The following FSTL5 variants were observed in gnomAD, a reference collection of about 807,000 sequenced individuals.
The protein encoded by FSTL5 is follistatin-related protein 5.
In FSTL5, 62 loss-of-function variants were observed where a neutral mutation model predicts 89.1. That is an observed-to-expected ratio of 0.70 (90% CI 0.57 to 0.86). The LOEUF (loss-of-function observed/expected upper bound fraction) is 0.86. Ranked by LOEUF, FSTL5 falls within the 40% of genes least tolerant of loss-of-function variation. The pLI, the probability that FSTL5 is intolerant of heterozygous loss-of-function variation, is 0.00. For synonymous variants in FSTL5, 383 were observed against 346.2 expected (o/e 1.11, Z -1.18); for missense variants, 1,057 against 1,001.6 (o/e 1.06, Z -0.75).
chr4:161,954,311 A>C (rs1734972675), intron 3 of FSTL5, among the ~76,000 whole-genome samples: 1 of 151,652 alleles, frequency 6.6e-6, no homozygotes, highest in South Asian at 2.1e-4. Flanking sequence ...ACACCCTATG[A>C]ATCAAAATAC....
intron 2 of FSTL5, among the ~76,000 whole-genome samples, chr4:162,100,954 G>C (rs1338833969): frequency 2.6e-5 from 4 of 152,204 alleles, no homozygotes. Flanking sequence ...CTGTTGGAAA[G>C]AGATACTTAT....
Position 161,774,451 on chromosome 4 carries a change from C to G in FSTL5, c.606+1427G>C, listed in dbSNP as rs534426230. On this transcript the variant is annotated intron_variant, in intron 5 of 15. Coordinates refer to ENST00000306100, the MANE Select transcript of FSTL5 (RefSeq NM_020116.5). ...TTATGCGAGCCCTAGGAAACTAATA[C>G]AAACTTGAACATGGCAGAAGCTTGA... 3.9e-5 allele frequency among the ~76,000 whole-genome samples: 6 copies of G among 152,204 alleles called. No individual in the cohort carries two copies. The South Asian group carries it at 1.2e-3, about 32-fold the overall frequency.
chr4:161,722,999 A>G (rs1309383472), intron 6 of FSTL5, among the ~76,000 whole-genome samples: 1 of 152,204 alleles, frequency 6.6e-6, no homozygotes, highest in East Asian at 1.9e-4. Context: ...TGGAGGATAT[A>G]CAATTTTAAA....
At chr4:162,121,339 A>G (rs1674427263) in intron 1 of FSTL5, among the ~76,000 whole-genome samples, 2 of 152,034 alleles carry the variant, frequency 1.3e-5, no homozygotes, top group Admixed American at 1.3e-4. Flanking sequence ...TTAGGTCCAA[A>G]AAAGCAATAC....
intron 4 of FSTL5, among the ~76,000 whole-genome samples, chr4:161,785,150 A>G (rs568086853): frequency 6.6e-6 from 1 of 152,292 alleles, no homozygotes; most frequent in African/African-American, 2.4e-5. Context: ...GATCTGAGGA[A>G]CTTTTCACCA....
At chr4:161,987,485 T>TATATATAC (rs984214889) in intron 3 of FSTL5, among the ~76,000 whole-genome samples, 1,459 of 143,590 alleles carry the variant, frequency 0.01, 12 homozygotes, top group Middle Eastern at 0.022. Flanking sequence ...TATATATATA[T>TATATATAC]ACATACATAT....
chr4:162,064,340 T>C (rs1738817933), intron 2 of FSTL5, among the ~76,000 whole-genome samples: 1 of 152,030 alleles, frequency 6.6e-6, no homozygotes, highest in South Asian at 2.1e-4. Flanking sequence ...GTGATTCATT[T>C]TATGCATCAG....
chr4:162,097,377 T>C (rs1730807007), intron 2 of FSTL5, among the ~76,000 whole-genome samples: 1 of 151,814 alleles, frequency 6.6e-6, no homozygotes, highest in Non-Finnish European at 1.5e-5. Flanking sequence ...TTCAATAAAA[T>C]ATACAATTAT....
chr4:162,031,277 G>A (rs1434993671), intron 3 of FSTL5, among the ~76,000 whole-genome samples: 1 of 152,128 alleles, frequency 6.6e-6, no homozygotes, highest in Non-Finnish European at 1.5e-5. Flanking sequence ...TAATAAATGT[G>A]TTTGAATAAA....
intron 7 of FSTL5, among the ~76,000 whole-genome samples, chr4:161,624,522 T>A (rs1735247133): frequency 6.6e-6 from 1 of 151,748 alleles, no homozygotes; most frequent in Admixed American, 6.6e-5. Flanking sequence ...TAAAAGTTCC[T>A]TTATATTATA....
intron 4 of FSTL5, among the ~76,000 whole-genome samples, chr4:161,845,702 C>T (rs1731344779): frequency 6.6e-6 from 1 of 152,104 alleles, no homozygotes; most frequent in South Asian, 2.1e-4. Flanking sequence ...AATTGCTTCA[C>T]AAATTTGTCA....
At chr4:162,111,488 T>A (rs1731441487) in intron 1 of FSTL5, 76 bp from the exon 2 acceptor site, 2 of 1,148,458 alleles carry the variant, frequency 1.7e-6, no homozygotes, top group African/African-American at 1.6e-5. Context: ...AAATATTTAA[T>A]ATCACATATA....
At chr4:161,797,997 T>C (rs1319105879) in intron 4 of FSTL5, among the ~76,000 whole-genome samples, 3 of 151,626 alleles carry the variant, frequency 2.0e-5, no homozygotes, top group Non-Finnish European at 4.4e-5. Context: ...AAACTAAAAG[T>C]TAGACCTCAT....
intron 12 of FSTL5, among the ~76,000 whole-genome samples, chr4:161,486,700 A>AAT (rs1729693025): frequency 6.6e-6 from 1 of 152,150 alleles, no homozygotes. Flanking sequence ...TGCCACAAAT[A>AAT]ATGTATAAGA....
intron 5 of FSTL5, among the ~76,000 whole-genome samples, chr4:161,771,944 A>G (rs1741225367): frequency 6.6e-6 from 1 of 152,306 alleles, no homozygotes; most frequent in African/African-American, 2.4e-5. Context: ...AGTTAGAATG[A>G]TGAAGAGGTG....
intron 6 of FSTL5, among the ~76,000 whole-genome samples, chr4:161,695,785 G>A (rs569440454): frequency 1.3e-4 from 19 of 151,888 alleles, no homozygotes; most frequent in South Asian, 4.2e-4. Context: ...GTCTCTTCAC[G>A]TTCTTAGCCC....
Position 161,384,078 on chromosome 4 carries a change from A to G in FSTL5, c.*1669T>C, listed in dbSNP as rs905019024. 6.6e-6 allele frequency: 1 copy of G among 152,184 alleles called. No homozygotes were observed. The highest frequency in any genetic ancestry group is 1.5e-5 in the Non-Finnish European group (1 of 68,008). 9.4% of individuals were successfully genotyped at this position (152,184 alleles called of 1,614,324 possible). A position where few individuals can be genotyped will look rare whatever the true frequency, so the allele number is the denominator to read the frequency against. ...ATTGCTAAAAAGTAAAGCAGATTCA[A>G]TAAGTAGAAACATAAGCTGATTTTT... On this transcript the variant is annotated 3_prime_UTR_variant, in exon 16 of 16. Coordinates refer to ENST00000306100, the MANE Select transcript of FSTL5 (RefSeq NM_020116.5).
intron 2 of FSTL5, among the ~76,000 whole-genome samples, chr4:162,069,409 CT>C (rs913942651): frequency 1.3e-5 from 2 of 151,794 alleles, no homozygotes; most frequent in African/African-American, 4.8e-5. Flanking sequence ...AAAATCTTCT[CT>C]TTTAGGTATT....
intron 8 of FSTL5, among the ~76,000 whole-genome samples, chr4:161,545,025 T>C (rs1380790406): frequency 2.6e-5 from 4 of 151,954 alleles, no homozygotes; most frequent in Admixed American, 2.6e-4. Flanking sequence ...CAATTAAAAG[T>C]GAGATGTGGA....
Sources: gnomAD v4.1 joint callset for allele counts (sites outside exome capture counted in the v4.1 genomes callset) on GRCh38, gnomAD v4.1.1 for gene constraint, MANE v1.5 for transcripts, NCBI Gene and HGNC (gene_info 2026-07-23, HGNC 2026-07-21) for gene names.